Variants in THRB observed in about 807,000 individuals in gnomAD.
THRB encodes thyroid hormone receptor beta.
Under a neutral mutation model 47.8 loss-of-function variants are expected in THRB, and 12 were observed. The observed-to-expected ratio is 0.25, with a 90% CI of 0.16 to 0.41. THRB has a LOEUF of 0.41. Ranked by LOEUF, THRB falls within the 10% of genes least tolerant of loss-of-function variation. The probability of loss-of-function intolerance (pLI) is 1.00; values close to 1 mark genes in which losing one functional copy is unlikely to be tolerated. For synonymous variants in THRB, 218 were observed against 212.2 expected, an observed-to-expected ratio of 1.03 and a Z score of -0.24; for missense variants, 348 against 589.2, an observed-to-expected ratio of 0.59 and a Z score of 4.24.
chr3:24,489,595 GA>G (rs1389721130), intron 1 of THRB, among the ~76,000 whole-genome samples: 1 of 152,138 alleles, frequency 6.6e-6, no homozygotes, highest in Non-Finnish European at 1.5e-5. Flanking sequence ...TTGCTATTTG[GA>G]AAAGATCCTG....
At chr3:24,477,708 C>T (rs954812131) in intron 1 of THRB, among the ~76,000 whole-genome samples, 1 of 151,980 alleles carries the variant, frequency 6.6e-6, no homozygotes, top group Non-Finnish European at 1.5e-5. Context: ...ATACGTACAG[C>T]ACACACAAGG....
At position 24,190,079 on chromosome 3, in the gene THRB, C is replaced by T. The variant is rs1191585380; in HGVS notation, c.278G>A (p.Cys93Tyr). 6.2e-7 allele frequency: 1 copy of T among 1,614,030 alleles called. No homozygotes were observed. Among genetic ancestry groups the T allele is most frequent in the South Asian group, 1.1e-5 (1 of 91,084 alleles). ...GCTAATAAAAATCTGGTTACCTTTA[C>T]ATTTCTTCTCCTCCGTTTGGAAGGT... is the stretch of plus-strand genomic sequence containing the variant. ...AQTFQTEEKKCKGYIPSYLDK... is the reference protein window; with the variant it reads ...AQTFQTEEKKYKGYIPSYLDK... The change falls in exon 5 of 11, where the codon TGT (cysteine) becomes TAT (tyrosine). Residue 93 changes from cysteine to tyrosine, a missense_variant. Cys to Tyr is a radical substitution (Grantham distance 194). Transcript: ENST00000646209.
At chr3:24,406,334 G>T (rs1027359866) in intron 1 of THRB, among the ~76,000 whole-genome samples, 8 of 151,660 alleles carry the variant, frequency 5.3e-5, no homozygotes, top group African/African-American at 1.9e-4. Flanking sequence ...TACATTAAGA[G>T]TTTTTATCAG....
chr3:24,188,886 A>ATATATATATATATATATAT (rs1559548533), intron 5 of THRB, among the ~76,000 whole-genome samples: 15 of 68,284 alleles, frequency 2.2e-4, no homozygotes, highest in African/African-American at 1.9e-3. Context: ...TATATATATG[A>ATATATATATATATATATAT]GAGAAAGAGA....
At chr3:24,356,734 G>A (rs1231474586) in intron 1 of THRB, among the ~76,000 whole-genome samples, 2 of 152,096 alleles carry the variant, frequency 1.3e-5, no homozygotes, top group Non-Finnish European at 2.9e-5. Context: ...AAAGTCACTA[G>A]TAGGGCCAAG....
intron 3 of THRB, among the ~76,000 whole-genome samples, chr3:24,281,549 A>T (rs891196557): frequency 3.3e-5 from 5 of 150,110 alleles, no homozygotes; most frequent in Admixed American, 1.3e-4. Context: ...TCACCAGCTA[A>T]CATCATAATG....
intron 4 of THRB, among the ~76,000 whole-genome samples, chr3:24,193,009 A>G (rs73037660): frequency 0.025 from 3,738 of 152,298 alleles, 70 homozygotes; most frequent in South Asian, 0.062. Flanking sequence ...TCGCAAGAAC[A>G]GAGGGGCAAC....
intron 4 of THRB, among the ~76,000 whole-genome samples, chr3:24,194,335 G>A (rs76755503): frequency 0.049 from 4,825 of 99,042 alleles, 106 homozygotes; most frequent in South Asian, 0.14. Context: ...AATGCACACA[G>A]TAGTAGAAGT....
At position 24,446,560 on chromosome 3, in the gene THRB, CA is replaced by C. The variant is rs755620840; in HGVS notation, c.-261+48091del. Reference sequence around the variant, plus strand: ...CTATCTACATTGGAAAGATCTTTCTCAAAAAAAAAAAAAAAAGAAAGAAAGA... The same window carrying C: ...CTATCTACATTGGAAAGATCTTTCTCAAAAAAAAAAAAAAAGAAAGAAAGA... On this transcript the variant is annotated intron_variant, in intron 1 of 10. Transcript: ENST00000646209. Among the ~76,000 whole-genome samples the C allele has an allele frequency of 7.2e-3, 300 of 41,396 alleles. 8 individuals are homozygous for C. In the East Asian group the frequency reaches 0.087, roughly 12 times the overall value. The allele number at this position is 41,396 out of a possible 152,430, so 27.2% of individuals were successfully genotyped here.
intron 1 of THRB, among the ~76,000 whole-genome samples, chr3:24,350,648 T>A (rs2063307474): frequency 6.6e-6 from 1 of 152,130 alleles, no homozygotes; most frequent in South Asian, 2.1e-4. Context: ...AGTCTCTCCT[T>A]TGGGGACAGG....
chr3:24,351,194 T>C (rs542578962), intron 1 of THRB, among the ~76,000 whole-genome samples: 1 of 152,220 alleles, frequency 6.6e-6, no homozygotes, highest in Non-Finnish European at 1.5e-5. Context: ...AGCCCTAAAT[T>C]TGTGTATACC....
intron 3 of THRB, among the ~76,000 whole-genome samples, chr3:24,280,146 C>T (rs1559813686): frequency 6.6e-6 from 1 of 152,156 alleles, no homozygotes; most frequent in Admixed American, 6.5e-5. Flanking sequence ...GTCTACAGCT[C>T]CCAGCCTGAG....
chr3:24,415,285 T>C (rs2068644869), intron 1 of THRB, among the ~76,000 whole-genome samples: 1 of 151,882 alleles, frequency 6.6e-6, no homozygotes, highest in South Asian at 2.1e-4. Flanking sequence ...CAGCTACTGC[T>C]ATTGCTGTGA....
intron 2 of THRB, among the ~76,000 whole-genome samples, chr3:24,330,052 T>A (rs1018695158): frequency 6.6e-6 from 1 of 152,194 alleles, no homozygotes; most frequent in African/African-American, 2.4e-5. Flanking sequence ...ACGCCTGTAA[T>A]CCCAGCACTT....
intron 1 of THRB, among the ~76,000 whole-genome samples, chr3:24,401,916 C>T (rs995924502): frequency 9.9e-5 from 15 of 152,086 alleles, no homozygotes; most frequent in African/African-American, 3.6e-4. Context: ...GAGGAAGTGG[C>T]CCAGGTGTTA....
intron 7 of THRB, 108 bp downstream of exon 7, chr3:24,146,567 T>A: frequency 8.4e-7 from 1 of 1,188,498 alleles, no homozygotes; most frequent in Non-Finnish European, 1.2e-6. Context: ...TATTCCCTTC[T>A]CTGTCTTCTT....
Position 24,420,122 on chromosome 3 carries a change from G to A in THRB, c.-261+74530C>T, listed in dbSNP as rs1293319411. Among the ~76,000 whole-genome samples the A allele has an allele frequency of 2.0e-5, 3 of 151,916 alleles. No individual in the cohort carries two copies. In the East Asian group the frequency reaches 5.8e-4, roughly 30 times the overall value. The stretch of plus-strand genomic sequence containing the variant: ...AATGACATAAATTTATGCCTGGCAT[G>A]TCATAGTGCTTAGCAAATGTTAGCT... On this transcript the variant is annotated intron_variant, in intron 1 of 10. Transcript: ENST00000646209.
chr3:24,333,791 G>C (rs1346243498), intron 2 of THRB, among the ~76,000 whole-genome samples: 1 of 152,136 alleles, frequency 6.6e-6, no homozygotes, highest in East Asian at 1.9e-4. Flanking sequence ...TCCTTTGTTG[G>C]GAAATCACTC....
intron 8 of THRB, among the ~76,000 whole-genome samples, chr3:24,135,567 A>G (rs1340531341): frequency 6.6e-6 from 1 of 152,116 alleles, no homozygotes; most frequent in Non-Finnish European, 1.5e-5. Context: ...GGCAGAATTG[A>G]TGAAATAATC....
Sources: gnomAD v4.1 joint callset for allele counts (sites outside exome capture counted in the v4.1 genomes callset) on GRCh38, gnomAD v4.1.1 for gene constraint, MANE v1.5 for transcripts, NCBI Gene and HGNC (gene_info 2026-07-23, HGNC 2026-07-21) for gene names.